Variants in DLGAP2 observed in about 807,000 individuals in gnomAD.
DLGAP2 encodes the protein DLG associated protein 2.
Under a neutral mutation model 100.3 loss-of-function variants are expected in DLGAP2, and 26 were observed. The observed-to-expected ratio is 0.26, with a 90% CI of 0.19 to 0.36. The LOEUF is 0.36. Ranked by LOEUF, DLGAP2 falls within the 10% of genes least tolerant of loss-of-function variation. The probability of loss-of-function intolerance (pLI) is 1.00; values close to 1 mark genes in which losing one functional copy is unlikely to be tolerated. For missense variants in DLGAP2, 1,858 were observed against 1,453.2 expected (o/e 1.28, Z -4.53); for synonymous variants, 886 against 630.1 (o/e 1.41, Z -6.08).
At chr8:1,182,071 A>G (rs1797400948) in intron 2 of DLGAP2, among the ~76,000 whole-genome samples, 1 of 152,366 alleles carries the variant, frequency 6.6e-6, no homozygotes, top group Middle Eastern at 3.4e-3. Context: ...TGTGCCTGAT[A>G]GATGGGTCTT....
At chr8:888,873 G>A (rs2128995135) in intron 1 of DLGAP2, among the ~76,000 whole-genome samples, 1 of 152,252 alleles carries the variant, frequency 6.6e-6, no homozygotes, top group East Asian at 1.9e-4. Flanking sequence ...ACGAGGAGCA[G>A]GTTTCATGCT....
At chr8:1,148,017 A>G (rs1278841672) in intron 2 of DLGAP2, among the ~76,000 whole-genome samples, 2 of 152,148 alleles carry the variant, frequency 1.3e-5, no homozygotes, top group Non-Finnish European at 2.9e-5. Flanking sequence ...CTTTTTCTCT[A>G]CTGTGAAGAA....
At chr8:1,566,572 C>T (rs1218230015) in intron 6 of DLGAP2, among the ~76,000 whole-genome samples, 2 of 152,206 alleles carry the variant, frequency 1.3e-5, no homozygotes, top group East Asian at 3.9e-4. Flanking sequence ...CTACCCCTGC[C>T]TTCTGCGGCC....
At chr8:1,181,011 C>T (rs1169776244) in intron 2 of DLGAP2, among the ~76,000 whole-genome samples, 1 of 15,020 alleles carries the variant, frequency 6.7e-5, no homozygotes, top group Admixed American at 8.3e-4. Context: ...AAGGGCAGTA[C>T]ACTTACTGTC....
chr8:1,516,025 GTGAGTGAATGAGTAACTGAGTGAA>G (rs1393747230), intron 4 of DLGAP2, among the ~76,000 whole-genome samples: 5 of 144,522 alleles, frequency 3.5e-5, no homozygotes, highest in Admixed American at 1.4e-4. Flanking sequence ...GCATGAATGA[GTGAGTGAATGAGTAACTGAGTGAA>G]TGAGTGAGTG....
chr8:1,623,463 G>A (rs774057962), intron 6 of DLGAP2, among the ~76,000 whole-genome samples: 86 of 151,414 alleles, frequency 5.7e-4, no homozygotes, highest in Admixed American at 2.2e-3. Flanking sequence ...ACACCAGCGC[G>A]CAATGACCTG....
chr8:954,970 G>A (rs1022278028), intron 2 of DLGAP2, among the ~76,000 whole-genome samples: 1 of 152,158 alleles, frequency 6.6e-6, no homozygotes, highest in African/African-American at 2.4e-5. Context: ...CTGCCTAGAA[G>A]AGAACGAGGA....
At chr8:759,192 G>GCTTTCCCATTATCAATACCCCCCACAA (rs1821007278) in intron 1 of DLGAP2, among the ~76,000 whole-genome samples, 1 of 98,328 alleles carries the variant, frequency 1.0e-5, no homozygotes, top group African/African-American at 3.7e-5. Context: ...ACCCCCGACA[G>GCTTTCCCATTATCAATACCCCCCACAA]CCTTCCCATT....
rs1339882475 is a variant in DLGAP2 at position 1,280,609 on chromosome 8, A to G, written c.106+21726A>G. Reference sequence around the variant, plus strand: ...ATGTGTGTCTTGAGGAGTAAGGGGAATTTTGTTCAATGAAGAATGGGAAGA... The same window carrying G: ...ATGTGTGTCTTGAGGAGTAAGGGGAGTTTTGTTCAATGAAGAATGGGAAGA... On this transcript the variant is annotated intron_variant, in intron 3 of 14. Coordinates refer to ENST00000637795, the MANE Select transcript of DLGAP2 (RefSeq NM_001346810.2). 2.0e-5 allele frequency among the ~76,000 whole-genome samples: 3 copies of G among 152,188 alleles called. No homozygotes were observed. The East Asian group carries it at 5.8e-4, about 29-fold the overall frequency.
chr8:1,267,164 G>A lies in DLGAP2; in HGVS notation c.106+8281G>A, dbSNP rs149645668. 3.4e-3 allele frequency among the ~76,000 whole-genome samples: 513 copies of A among 151,768 alleles called. 19 individuals carry two copies. In the East Asian group the frequency reaches 0.086, roughly 26 times the overall value. On this transcript the variant is annotated intron_variant, in intron 3 of 14. Coordinates refer to ENST00000637795, the MANE Select transcript of DLGAP2 (RefSeq NM_001346810.2). Reference sequence around the variant, plus strand: ...GGAGAATGGCGTGAACCAGGGAGGCGGAGCTTGCAGTGAGCCAAGATTGCA... The same window carrying A: ...GGAGAATGGCGTGAACCAGGGAGGCAGAGCTTGCAGTGAGCCAAGATTGCA...
At chr8:951,082 T>C (rs1799467741) in intron 2 of DLGAP2, among the ~76,000 whole-genome samples, 1 of 152,204 alleles carries the variant, frequency 6.6e-6, no homozygotes, top group Non-Finnish European at 1.5e-5. Context: ...CATACTACAT[T>C]CTATTTTTTT....
intron 1 of DLGAP2, among the ~76,000 whole-genome samples, chr8:779,454 C>A (rs1158595918): frequency 6.7e-6 from 1 of 149,474 alleles, no homozygotes; most frequent in African/African-American, 2.5e-5. Flanking sequence ...CTTTTCTTTT[C>A]CCTTCTTTCT....
intron 4 of DLGAP2, among the ~76,000 whole-genome samples, chr8:1,509,128 C>T (rs1318157625): frequency 6.6e-6 from 1 of 151,834 alleles, no homozygotes; most frequent in African/African-American, 2.4e-5. Flanking sequence ...GTCAGGAGAT[C>T]GAGACCATCC....
intron 3 of DLGAP2, among the ~76,000 whole-genome samples, chr8:1,496,814 C>G (rs1799561239): frequency 1.3e-5 from 2 of 152,198 alleles, no homozygotes; most frequent in South Asian, 2.1e-4. Context: ...CGCACGTTCG[C>G]TGCTGTGCCC....
intron 6 of DLGAP2, among the ~76,000 whole-genome samples, chr8:1,615,829 A>G (rs554507215): frequency 6.6e-6 from 1 of 151,890 alleles, no homozygotes; most frequent in African/African-American, 2.4e-5. Context: ...TAAAGCAGCC[A>G]TTGTAAGGTC....
intron 12 of DLGAP2, among the ~76,000 whole-genome samples, chr8:1,683,164 G>T (rs1217681120): frequency 6.6e-6 from 1 of 151,572 alleles, no homozygotes; most frequent in Non-Finnish European, 1.5e-5. Flanking sequence ...GAGAAGTACA[G>T]ATAAAGTACT....
rs552666423 is a variant in DLGAP2, at chr8:1,605,105, G to A, written c.1443-21635G>A. On this transcript the variant is annotated intron_variant, in intron 6 of 14. Coordinates refer to ENST00000637795, the MANE Select transcript of DLGAP2 (RefSeq NM_001346810.2). ...CTCACCTGACCTCATCGGCCCCTGAGGATGCAGGCCAGGCACCATCATTGC... is the reference window on the plus strand; with the variant it reads ...CTCACCTGACCTCATCGGCCCCTGAAGATGCAGGCCAGGCACCATCATTGC... 3.9e-5 allele frequency among the ~76,000 whole-genome samples: 6 copies of A among 152,302 alleles called. No individual in the cohort carries two copies. The South Asian group carries it at 1.2e-3, about 32-fold the overall frequency.
chr8:1,157,252 G>A (rs558320029), intron 2 of DLGAP2, among the ~76,000 whole-genome samples: 2 of 152,224 alleles, frequency 1.3e-5, no homozygotes, highest in Admixed American at 6.5e-5. Context: ...CCCCAGACAC[G>A]CTGGAGGATG....
At chr8:1,269,036 T>C (rs1307178618) in intron 3 of DLGAP2, among the ~76,000 whole-genome samples, 1 of 152,144 alleles carries the variant, frequency 6.6e-6, no homozygotes, top group South Asian at 2.1e-4. Flanking sequence ...AGGAACAGAA[T>C]TCCCTGATGA....
Sources: allele counts gnomAD v4.1 joint callset (sites outside exome capture counted in the v4.1 genomes callset), GRCh38; gene constraint gnomAD v4.1.1; transcripts MANE v1.5; gene names NCBI Gene and HGNC (gene_info 2026-07-23, HGNC 2026-07-21).